KCNN3: variants seen among roughly 807,000 people sequenced by gnomAD.
KCNN3 encodes small conductance calcium-activated potassium channel protein 3.
Under a neutral mutation model 62.9 loss-of-function variants are expected in KCNN3, and 16 were observed. That is an observed-to-expected ratio of 0.25 (90% CI 0.17 to 0.39). KCNN3 has a LOEUF of 0.39. KCNN3 is among the 10% of genes least tolerant of loss of function. The probability of loss-of-function intolerance (pLI) is 1.00; values close to 1 mark genes in which losing one functional copy is unlikely to be tolerated. For synonymous variants in KCNN3, 370 were observed against 389.2 expected, an observed-to-expected ratio of 0.95 and a Z score of 0.58; for missense variants, 599 against 949.4, an observed-to-expected ratio of 0.63 and a Z score of 4.85.
chr1:154,720,125 A>T (rs7520918), intron 5 of KCNN3, among the ~76,000 whole-genome samples: 22,961 of 152,162 alleles, frequency 0.15, 1,889 homozygotes, highest in East Asian at 0.21. Flanking sequence ...CAAGGAACTG[A>T]CCGCCCTAAA....
Position 154,710,939 on chromosome 1 carries a change from T to A in KCNN3, c.1899+2525A>T, listed in dbSNP as rs1700061241. ...CCATTGTGGAAGTCAGTGTGGAGAT[T>A]CCTCAGGGATCTAGAACTAGAAACA... is the stretch of plus-strand genomic sequence containing the variant. On this transcript the variant is annotated intron_variant, in intron 7 of 7. Coordinates refer to ENST00000271915, the MANE Select transcript of KCNN3 (RefSeq NM_002249.6). Among the ~76,000 whole-genome samples the A allele has an allele frequency of 2.6e-5, 4 of 152,154 alleles. No homozygotes were observed. The South Asian group carries it at 8.3e-4, about 31-fold the overall frequency.
chr1:154,800,412 T>C (rs1290252697), intron 2 of KCNN3, among the ~76,000 whole-genome samples: 1 of 152,208 alleles, frequency 6.6e-6, no homozygotes, highest in African/African-American at 2.4e-5. Context: ...GCTGTTGCTC[T>C]ACCACAGGAC....
At chr1:154,727,346 G>T (rs1184072469) in intron 4 of KCNN3, among the ~76,000 whole-genome samples, 1 of 152,354 alleles carries the variant, frequency 6.6e-6, no homozygotes, top group African/African-American at 2.4e-5. Context: ...TACAAAATGT[G>T]TGAGAAGCAG....
At chr1:154,854,315 C>T (rs1652430658) in intron 1 of KCNN3, among the ~76,000 whole-genome samples, 1 of 152,082 alleles carries the variant, frequency 6.6e-6, no homozygotes, top group African/African-American at 2.4e-5. Flanking sequence ...CCTGCACTCC[C>T]ATCCAGAGTG....
chr1:154,859,128 G>T (rs1028486937), intron 1 of KCNN3, among the ~76,000 whole-genome samples: 21 of 152,244 alleles, frequency 1.4e-4, no homozygotes, highest in African/African-American at 5.1e-4. Context: ...CTCACCTTGG[G>T]AGAAGGTAAC....
chr1:154,836,936 A>G lies in KCNN3; in HGVS notation c.934-14752T>C, dbSNP rs116028663. On this transcript the variant is annotated intron_variant, in intron 1 of 7. Coordinates refer to ENST00000271915, the MANE Select transcript of KCNN3 (RefSeq NM_002249.6). ...TGAATGAATGAAGGGATGCTACCCTATGGCCTGTTCCCAAGAAGAGGAGAA... is the reference window on the plus strand; with the variant it reads ...TGAATGAATGAAGGGATGCTACCCTGTGGCCTGTTCCCAAGAAGAGGAGAA... Among the ~76,000 whole-genome samples, 774 of 152,296 alleles carry G rather than the reference A, an allele frequency of 5.1e-3. 5 individuals are homozygous for G. The highest frequency in any genetic ancestry group is 0.016 in the African/African-American group (683 of 41,548).
At chr1:154,709,389 C>A (rs1700028218) in intron 7 of KCNN3, among the ~76,000 whole-genome samples, 1 of 152,100 alleles carries the variant, frequency 6.6e-6, no homozygotes, top group Non-Finnish European at 1.5e-5. Context: ...CTTTGGGTTT[C>A]TGATGATCTG....
At chr1:154,781,832 A>C (rs1301247807) in intron 2 of KCNN3, among the ~76,000 whole-genome samples, 1 of 152,218 alleles carries the variant, frequency 6.6e-6, no homozygotes, top group Admixed American at 6.5e-5. Flanking sequence ...CCCTGTCCCC[A>C]CAGAGCTTAC....
intron 4 of KCNN3, among the ~76,000 whole-genome samples, chr1:154,728,641 A>G (rs1012270764): frequency 2.6e-5 from 4 of 151,744 alleles, no homozygotes; most frequent in Admixed American, 6.6e-5. Context: ...GAGAGAGGAG[A>G]AAAGAGAAGA....
At chr1:154,851,290 C>T (rs1010974772) in intron 1 of KCNN3, among the ~76,000 whole-genome samples, 4 of 152,080 alleles carry the variant, frequency 2.6e-5, no homozygotes, top group Non-Finnish European at 4.4e-5. Flanking sequence ...TTTTTTTTAA[C>T]GTTGCCAGCC....
intron 3 of KCNN3, among the ~76,000 whole-genome samples, chr1:154,764,955 G>T (rs956981427): frequency 5.9e-5 from 9 of 152,090 alleles, no homozygotes; most frequent in Admixed American, 2.0e-4. Context: ...TTGCCCTTTG[G>T]TTGCCTCATT....
intron 1 of KCNN3, among the ~76,000 whole-genome samples, chr1:154,835,667 G>C (rs1309573391): frequency 6.6e-6 from 1 of 152,166 alleles, no homozygotes; most frequent in Non-Finnish European, 1.5e-5. Context: ...TGAATTTCTT[G>C]GCACAGAGGA....
At chr1:154,832,195 G>A (rs1651401253) in intron 1 of KCNN3, among the ~76,000 whole-genome samples, 1 of 151,622 alleles carries the variant, frequency 6.6e-6, no homozygotes, top group Non-Finnish European at 1.5e-5. Flanking sequence ...TAAAAAAATG[G>A]GCTCCTGATG....
chr1:154,821,644 A>G (rs1650904064), intron 2 of KCNN3, among the ~76,000 whole-genome samples: 1 of 151,882 alleles, frequency 6.6e-6, no homozygotes, highest in South Asian at 2.1e-4. Context: ...CAAAAAGCAG[A>G]CTCCTTGGTG....
chr1:154,744,925 C>CAAAA (rs5777930), intron 3 of KCNN3, among the ~76,000 whole-genome samples: 663 of 132,476 alleles, frequency 5.0e-3, no homozygotes, highest in Admixed American at 8.0e-3. Flanking sequence ...CACATTAAGG[C>CAAAA]AAAAAAAAAA....
At chr1:154,849,931 C>T (rs1351673794) in intron 1 of KCNN3, among the ~76,000 whole-genome samples, 1 of 152,134 alleles carries the variant, frequency 6.6e-6, no homozygotes, top group Non-Finnish European at 1.5e-5. Context: ...CTAAAAGTCC[C>T]CTGAGGAGCA....
intron 4 of KCNN3, 70 bp downstream of exon 4, chr1:154,732,933 T>A (rs1700629043): frequency 6.3e-7 from 1 of 1,581,548 alleles, no homozygotes. Context: ...GGCCCCTATG[T>A]GCTTGCAAGA....
At chr1:154,769,314 T>G (rs1462133979) in intron 3 of KCNN3, among the ~76,000 whole-genome samples, 1 of 152,204 alleles carries the variant, frequency 6.6e-6, no homozygotes, top group African/African-American at 2.4e-5. Flanking sequence ...ATGTTATACC[T>G]AAGTCTTTGG....
chr1:154,805,572 G>A (rs1650140635), intron 2 of KCNN3, among the ~76,000 whole-genome samples: 1 of 152,160 alleles, frequency 6.6e-6, no homozygotes, highest in Non-Finnish European at 1.5e-5. Context: ...TCCAATGGGT[G>A]GGCTCTTTTG....
Sources: gnomAD v4.1 joint callset for allele counts (sites outside exome capture counted in the v4.1 genomes callset) on GRCh38, gnomAD v4.1.1 for gene constraint, MANE v1.5 for transcripts, NCBI Gene and HGNC (gene_info 2026-07-23, HGNC 2026-07-21) for gene names.